Variants in ACOT8 observed in about 807,000 individuals in gnomAD.
The protein encoded by ACOT8 is acyl-coenzyme A thioesterase 8.
In ACOT8, 31 loss-of-function variants were observed where a neutral mutation model predicts 38.4. The ratio of observed to expected loss-of-function variants is 0.81; its 90% CI spans 0.61 to 1.09. The LOEUF is 1.09. Ranked by LOEUF, ACOT8 falls within the 50% of genes least tolerant of loss-of-function variation. The pLI, the probability that ACOT8 is intolerant of heterozygous loss-of-function variation, is 0.00. For missense variants in ACOT8, 373 were observed against 421.8 expected, an observed-to-expected ratio of 0.88 and a Z score of 1.01; for synonymous variants, 158 against 170.3, an observed-to-expected ratio of 0.93 and a Z score of 0.56.
Position 45,841,963 on chromosome 20 carries a change from G to A in ACOT8, c.842-7C>T. 5 of 1,613,108 alleles carry A rather than the reference G, an allele frequency of 3.1e-6. No individual in the cohort carries two copies. The highest frequency in any genetic ancestry group is 4.2e-6 in the Non-Finnish European group (5 of 1,179,956). ...ACCAGCCCCCGAGAGCCACCTGTGGGTGAGGTGAAGGGTGATGATGGCCTG... is the reference window on the plus strand; with the variant it reads ...ACCAGCCCCCGAGAGCCACCTGTGGATGAGGTGAAGGGTGATGATGGCCTG... On this transcript the variant is annotated splice_region_variant and splice_polypyrimidine_tract_variant and intron_variant, in intron 5 of 5. Coordinates refer to ENST00000217455, the MANE Select transcript of ACOT8 (RefSeq NM_005469.4).
intron 5 of ACOT8, chr20:45,843,106 T>C: frequency 9.3e-7 from 1 of 1,080,764 alleles, no homozygotes. Flanking sequence ...AGTGAGAATC[T>C]TGAGGGTGGA....
intron 3 of ACOT8, among the ~76,000 whole-genome samples, chr20:45,846,906 T>C (rs1360020277): frequency 1.3e-5 from 2 of 152,140 alleles, no homozygotes; most frequent in Non-Finnish European, 2.9e-5. Flanking sequence ...GTACATATGT[T>C]TTATATACAT....
chr20:45,854,302 C>T (rs1197258573), intron 2 of ACOT8, among the ~76,000 whole-genome samples: 3 of 132,944 alleles, frequency 2.3e-5, no homozygotes, highest in Admixed American at 7.3e-5. Flanking sequence ...CTCCGCCTTC[C>T]GGGTTCACAC....
In ACOT8 at chr20:45,855,143, G is replaced by C; in HGVS notation, c.262+16C>G. On this transcript the variant is annotated intron_variant, in intron 2 of 5. Coordinates refer to ENST00000217455, the MANE Select transcript of ACOT8 (RefSeq NM_005469.4). ...GGCCACCAGGGTTGGGTTGGGGCAG[G>C]AAGTGGGGGGTTTACCTGCCCGAAC... 1 of 1,613,310 alleles carries C rather than the reference G, an allele frequency of 6.2e-7. No homozygotes were observed. The highest frequency in any genetic ancestry group is 8.5e-7 in the Non-Finnish European group (1 of 1,179,574).
chr20:45,856,971 T>A (rs529259722), intron 1 of ACOT8, among the ~76,000 whole-genome samples: 78 of 152,094 alleles, frequency 5.1e-4, no homozygotes, highest in Non-Finnish European at 8.7e-4. Flanking sequence ...CACCACTATA[T>A]TTGCTCAGCT....
intron 1 of ACOT8, among the ~76,000 whole-genome samples, chr20:45,855,773 T>C (rs376998054): frequency 1.3e-4 from 20 of 151,870 alleles, no homozygotes; most frequent in East Asian, 3.9e-4. Context: ...ATTAAATAAA[T>C]GTATAAATGA....
intron 2 of ACOT8, chr20:45,853,922 C>T (rs750078601): frequency 7.7e-7 from 1 of 1,303,744 alleles, no homozygotes; most frequent in Non-Finnish European, 1.0e-6. Flanking sequence ...AAATCACATA[C>T]TGTAAAGGTC....
chr20:45,852,176 T>C (rs1215074078), intron 2 of ACOT8, among the ~76,000 whole-genome samples: 2 of 142,750 alleles, frequency 1.4e-5, no homozygotes, highest in Non-Finnish European at 3.1e-5. Context: ...CTAATTTTCC[T>C]TTTTTTTTTT....
chr20:45,842,638 C>T (rs1321989904), intron 5 of ACOT8: 8 of 992,868 alleles, frequency 8.1e-6, no homozygotes, highest in Non-Finnish European at 9.6e-6. Flanking sequence ...GCTGGTTTCC[C>T]TTACACATAG....
chr20:45,855,173 T>A lies in ACOT8; in HGVS notation c.248A>T (p.Tyr83Phe), dbSNP rs768807024. Residue 83 changes from tyrosine to phenylalanine, a missense_variant, in exon 2 of 6, where the codon TAC becomes TTC. Transcript: ENST00000217455. ...EDVHVHSLHCYFVRAGDPKLP... is the reference protein window; with the variant it reads ...EDVHVHSLHCFFVRAGDPKLP... ...GGGGGGTTTACCTGCCCGAACAAAG[T>A]AGCAGTGCAGGGAGTGCACGTGGAC... The A allele has an allele frequency of 1.9e-6, 3 of 1,613,922 alleles. No individual in the cohort carries two copies. The highest frequency in any genetic ancestry group is 1.7e-6 in the Non-Finnish European group (2 of 1,179,932).
intron 5 of ACOT8, 26 bp downstream of exon 5, chr20:45,843,501 C>G (rs759721618): frequency 6.2e-7 from 1 of 1,604,322 alleles, no homozygotes; most frequent in South Asian, 1.1e-5. Flanking sequence ...GGTCAGTGCC[C>G]TTGTCCCACA....
At chr20:45,854,367 A>G (rs1371459744) in intron 2 of ACOT8, among the ~76,000 whole-genome samples, 1 of 149,224 alleles carries the variant, frequency 6.7e-6, no homozygotes, top group African/African-American at 2.5e-5. Flanking sequence ...CCACCACCAC[A>G]CCTGGCTAAT....
At chr20:45,843,100 A>C in intron 5 of ACOT8, 1 of 1,092,476 alleles carries the variant, frequency 9.2e-7, no homozygotes, top group Non-Finnish European at 1.2e-6. Context: ...CTACTGAGTG[A>C]GAATCTTGAG....
Position 45,844,256 on chromosome 20 carries a change from CTCTTACCAATA to C in ACOT8, c.642_646+6del. The C allele has an allele frequency of 6.2e-7, 1 of 1,614,138 alleles. No homozygotes were observed. Among genetic ancestry groups the C allele is most frequent in the South Asian group, 1.1e-5 (1 of 91,076 alleles). On this transcript the variant is annotated splice_donor_variant and splice_donor_5th_base_variant and coding_sequence_variant and intron_variant, in exon 4 of 6. Coordinates refer to ENST00000217455, the MANE Select transcript of ACOT8 (RefSeq NM_005469.4). LOFTEE classifies it high-confidence loss of function. The stretch of plus-strand genomic sequence containing the variant: ...GTGGTTTCCTCCCATCCATGGGGTA[CTCTTACCAATA>C]TAGCCCCGGGCTCGCACCCAGAACA...
At position 45,850,204 on chromosome 20, in the gene ACOT8, C is replaced by T. The variant is rs1410415403; in HGVS notation, c.263-1529G>A. Among the ~76,000 whole-genome samples the T allele has an allele frequency of 4.6e-5, 7 of 152,262 alleles. No homozygotes were observed. In the East Asian group the frequency reaches 1.2e-3, roughly 25 times the overall value. On this transcript the variant is annotated intron_variant, in intron 2 of 5. Coordinates refer to ENST00000217455, the MANE Select transcript of ACOT8 (RefSeq NM_005469.4). Reference sequence around the variant, plus strand: ...TGGAGGCTGCAGTGAGCCGAAATTGCACCACTGCACTCCAGCCTGGGGAAC... The same window carrying T: ...TGGAGGCTGCAGTGAGCCGAAATTGTACCACTGCACTCCAGCCTGGGGAAC...
At chr20:45,848,390 C>A in intron 3 of ACOT8, 60 bp downstream of exon 3, 2 of 1,434,304 alleles carry the variant, frequency 1.4e-6, no homozygotes, top group South Asian at 1.4e-5. Flanking sequence ...ATTCTATGAC[C>A]CACAAACAGA....
In ACOT8 at chr20:45,845,827, G is replaced by GTT. The variant is rs940280737; in HGVS notation, c.489-1409_489-1408dup. ...AGAATTGTTCATTCTACTGACTTTG[G>GTT]TTTTTTTTTGTTTTTTTTTTTTTAA... On this transcript the variant is annotated intron_variant, in intron 3 of 5. Coordinates refer to ENST00000217455, the MANE Select transcript of ACOT8 (RefSeq NM_005469.4). Among the ~76,000 whole-genome samples the GTT allele has an allele frequency of 6.7e-4, 98 of 146,264 alleles. 2 individuals are homozygous for GTT. The highest frequency in any genetic ancestry group is 1.6e-3 in the East Asian group (8 of 5,058).
intron 3 of ACOT8, among the ~76,000 whole-genome samples, chr20:45,845,397 T>C (rs1984611446): frequency 2.0e-5 from 3 of 152,186 alleles, no homozygotes; most frequent in Admixed American, 2.0e-4. Flanking sequence ...GGTCTCTTTA[T>C]GTTGCCCAGG....
Position 45,844,404 on chromosome 20 carries a change from T to A in ACOT8, c.505A>T (p.Lys169Ter), listed in dbSNP as rs144957814. 1.5e-5 allele frequency: 25 copies of A among 1,613,910 alleles called. No individual in the cohort carries two copies. The African/African-American group carries it at 3.2e-4, about 21-fold the overall frequency. Residue 169 changes from lysine to a stop codon, truncating the protein, a stop_gained, in exon 4 of 6, where the codon AAG becomes TAG. Coordinates refer to ENST00000217455, the MANE Select transcript of ACOT8 (RefSeq NM_005469.4). LOFTEE classifies it high-confidence loss of function. ...DQYLRDPNLQ[K>*]RYPLALNRIA... ...CGGTTGAGCGCCAATGGGTACCTCT[T>A]TTGGAGGTTAGGGTCCCTGAAAGTA... is the stretch of plus-strand genomic sequence containing the variant.
Sources: gnomAD v4.1 joint callset for allele counts (sites outside exome capture counted in the v4.1 genomes callset) on GRCh38, gnomAD v4.1.1 for gene constraint, MANE v1.5 for transcripts, NCBI Gene and HGNC (gene_info 2026-07-23, HGNC 2026-07-21) for gene names.